Variants in SLC24A2 observed in about 807,000 individuals in gnomAD.
SLC24A2 encodes sodium/potassium/calcium exchanger 2.
SLC24A2 carries 36 observed loss-of-function variants against 62.0 expected under a neutral mutation model. That is an observed-to-expected ratio of 0.58 (90% CI 0.44 to 0.77). The LOEUF (loss-of-function observed/expected upper bound fraction) is 0.77. Ranked by LOEUF, SLC24A2 falls within the 30% of genes least tolerant of loss-of-function variation. SLC24A2 has a pLI of 0.00. For synonymous variants in SLC24A2, 358 were observed against 294.0 expected, an observed-to-expected ratio of 1.22 and a Z score of -2.23; for missense variants, 846 against 817.9, an observed-to-expected ratio of 1.03 and a Z score of -0.42.
At chr9:20,017,460 A>G in the SLC24A2 span, among the ~76,000 whole-genome samples, 1 of 152,200 alleles carries the variant, frequency 6.6e-6, no homozygotes, top group Non-Finnish European at 1.5e-5. Context: ...GCATGTTTAG[A>G]GTGTGTATTA....
chr9:19,907,062 A>T, the SLC24A2 span, among the ~76,000 whole-genome samples: 1 of 152,252 alleles, frequency 6.6e-6, no homozygotes, highest in Non-Finnish European at 1.5e-5. Context: ...ATGAACATCG[A>T]TGCAAAAATC....
chr9:19,983,840 A>G, the SLC24A2 span, among the ~76,000 whole-genome samples: 5 of 152,202 alleles, frequency 3.3e-5, no homozygotes, highest in Non-Finnish European at 7.3e-5. Flanking sequence ...TGAAAACAAC[A>G]AAACATTGCT....
At chr9:19,752,467 A>C (rs1224262749) in intron 2 of SLC24A2, among the ~76,000 whole-genome samples, 2 of 150,700 alleles carry the variant, frequency 1.3e-5, no homozygotes, top group Non-Finnish European at 3.0e-5. Context: ...TGTCAAAGCG[A>C]TCATCATGGC....
At chr9:20,117,523 C>T in the SLC24A2 span, among the ~76,000 whole-genome samples, 2 of 152,206 alleles carry the variant, frequency 1.3e-5, no homozygotes, top group South Asian at 2.1e-4. Context: ...GAAAATTCAC[C>T]TTTTTAAAGT....
chr9:20,147,001 C>T, the SLC24A2 span, among the ~76,000 whole-genome samples: 2 of 152,084 alleles, frequency 1.3e-5, no homozygotes, highest in African/African-American at 4.8e-5. Context: ...ATGATAGTGT[C>T]CTATTATTTA....
At chr9:19,647,553 T>C (rs1029725879) in intron 2 of SLC24A2, among the ~76,000 whole-genome samples, 2 of 152,118 alleles carry the variant, frequency 1.3e-5, no homozygotes, top group Admixed American at 1.3e-4. Context: ...AGCAATGCCA[T>C]GGAGGGGATG....
chr9:19,685,809 T>C (rs1181174623), intron 2 of SLC24A2, among the ~76,000 whole-genome samples: 1 of 152,076 alleles, frequency 6.6e-6, no homozygotes, highest in African/African-American at 2.4e-5. Context: ...CCAAAAACTA[T>C]AAAAACTCTG....
the SLC24A2 span, among the ~76,000 whole-genome samples, chr9:20,086,784 C>A: frequency 4.6e-5 from 7 of 152,150 alleles, no homozygotes; most frequent in African/African-American, 1.7e-4. Flanking sequence ...TTATGCTTTT[C>A]TTTTTGTTCC....
the SLC24A2 span, among the ~76,000 whole-genome samples, chr9:20,108,034 T>C: frequency 6.6e-6 from 1 of 151,946 alleles, no homozygotes; most frequent in Admixed American, 6.6e-5. Flanking sequence ...AAAAAGTGGT[T>C]GAAGGACATG....
chr9:20,213,088 A>T, the SLC24A2 span, among the ~76,000 whole-genome samples: 1 of 151,672 alleles, frequency 6.6e-6, no homozygotes, highest in Non-Finnish European at 1.5e-5. Flanking sequence ...CTTAATATGT[A>T]GGTGATGGGT....
At chr9:19,933,057 G>A in the SLC24A2 span, among the ~76,000 whole-genome samples, 3 of 152,230 alleles carry the variant, frequency 2.0e-5, no homozygotes, top group African/African-American at 4.8e-5. Context: ...TGGGGGCTGC[G>A]GGGAGGATGG....
the SLC24A2 span, among the ~76,000 whole-genome samples, chr9:20,141,895 C>T: frequency 6.6e-6 from 1 of 152,180 alleles, no homozygotes; most frequent in Non-Finnish European, 1.5e-5. Flanking sequence ...CCAGCCTCGC[C>T]AACATGGCAA....
the SLC24A2 span, among the ~76,000 whole-genome samples, chr9:20,243,941 G>C: frequency 6.6e-6 from 1 of 151,570 alleles, no homozygotes; most frequent in East Asian, 1.9e-4. Flanking sequence ...GAGGGACCTC[G>C]AGAGGAAGGG....
At chr9:20,016,700 C>T in the SLC24A2 span, among the ~76,000 whole-genome samples, 106,863 of 152,090 alleles carry the variant, frequency 0.7, 37,763 homozygotes, top group Admixed American at 0.78. Flanking sequence ...GATTTGTTGA[C>T]AGCAAGTATA....
chr9:20,185,054 G>A, the SLC24A2 span, among the ~76,000 whole-genome samples: 26 of 152,230 alleles, frequency 1.7e-4, no homozygotes, highest in East Asian at 7.8e-4. Flanking sequence ...CTGAACTTAC[G>A]CAAGCAGAGT....
chr9:19,679,838 CTGTGTGTGTGTGTGTGTGTGTGTG>C (rs58253967), intron 2 of SLC24A2, among the ~76,000 whole-genome samples: 4 of 142,490 alleles, frequency 2.8e-5, no homozygotes, highest in South Asian at 2.3e-4. Context: ...CTCACATATA[CTGTGTGTGTGTGTGTGTGTGTGTG>C]TGTGTGTGTG....
chr9:20,307,802 C>T, the SLC24A2 span, among the ~76,000 whole-genome samples: 1 of 152,178 alleles, frequency 6.6e-6, no homozygotes, highest in Non-Finnish European at 1.5e-5. Context: ...GCAGAAGGTG[C>T]TGGGATAACA....
chr9:19,957,781 C>G, the SLC24A2 span: 355 of 152,338 alleles, frequency 2.3e-3, 1 homozygote, highest in Non-Finnish European at 4.5e-3. Context: ...TTGGAGTGGA[C>G]AGGGTCATTC....
chr9:20,022,367 T>C, the SLC24A2 span, among the ~76,000 whole-genome samples: 1 of 152,298 alleles, frequency 6.6e-6, no homozygotes, highest in Non-Finnish European at 1.5e-5. Context: ...TAACAATCCT[T>C]GGGGGTAAGT....
Sources: allele counts gnomAD v4.1 joint callset (sites outside exome capture counted in the v4.1 genomes callset), GRCh38; gene constraint gnomAD v4.1.1; transcripts MANE v1.5; gene names NCBI Gene and HGNC (gene_info 2026-07-23, HGNC 2026-07-21).